The following ZBTB46 variants were observed in gnomAD, a reference collection of about 807,000 sequenced individuals.
The protein encoded by ZBTB46 is zinc finger and BTB domain-containing protein 46.
A neutral mutation model predicts 44.1 loss-of-function variants in ZBTB46; 8 were observed. That is an observed-to-expected ratio of 0.18 (90% confidence interval 0.11 to 0.33). The LOEUF is 0.33. Ranked by LOEUF, ZBTB46 falls within the 10% of genes least tolerant of loss-of-function variation. The pLI, the probability that ZBTB46 is intolerant of heterozygous loss-of-function variation, is 1.00. For synonymous variants in ZBTB46, 409 were observed against 382.3 expected, an observed-to-expected ratio of 1.07 and a Z score of -0.81; for missense variants, 651 against 847.7, an observed-to-expected ratio of 0.77 and a Z score of 2.88.
chr20:63,783,156 G>A (rs564281936), intron 2 of ZBTB46, among the ~76,000 whole-genome samples: 4 of 152,190 alleles, frequency 2.6e-5, no homozygotes, highest in Non-Finnish European at 5.9e-5. Flanking sequence ...ACAGCTGGGC[G>A]TGGTGGTTCA....
Position 63,790,233 on chromosome 20 carries a change from C to T in ZBTB46, c.525G>A (p.Thr175=), listed in dbSNP as rs201325875. 9.3e-6 allele frequency: 15 copies of T among 1,610,980 alleles called. No homozygotes were observed. Among genetic ancestry groups the T allele is most frequent in the South Asian group, 5.5e-5 (5 of 90,774 alleles). The change falls in exon 2 of 5, where the codon ACG becomes ACA. Residue 175 remains threonine (T), a synonymous_variant. Coordinates refer to ENST00000245663, the MANE Select transcript of ZBTB46 (RefSeq NM_001369741.1). The stretch of plus-strand genomic sequence containing the variant: ...AGTCTCCGGAAGAATTGGCAGGACT[C>T]GTTCGCCGTGCCAGCCACGGGGAGA... ...RSISPWLARR[T]SPANSSGDSA...
Position 63,803,056 on chromosome 20 carries a change from C to A in ZBTB46, c.-33-12266G>T, listed in dbSNP as rs890383573. Among the ~76,000 whole-genome samples, 8 of 152,172 alleles carry A rather than the reference C, an allele frequency of 5.3e-5. No individual in the cohort carries two copies. The highest frequency in any genetic ancestry group is 6.5e-5 in the Admixed American group (1 of 15,276). On this transcript the variant is annotated intron_variant, in intron 1 of 4. Coordinates refer to ENST00000245663, the MANE Select transcript of ZBTB46 (RefSeq NM_001369741.1). The surrounding 1 kb of genome is among the most constrained non-coding windows in gnomAD (Gnocchi z 4.0). ...CCACAGACGCCAACAGGAGGAAACA[C>A]GTTTCTGGGCAGCTCTGCCCACTCT...
At chr20:63,760,345 T>C (rs879691819) in intron 3 of ZBTB46, among the ~76,000 whole-genome samples, 2 of 152,246 alleles carry the variant, frequency 1.3e-5, no homozygotes, top group Non-Finnish European at 2.9e-5. Flanking sequence ...TTTGATAAAT[T>C]CTGTTTTCCA....
chr20:63,750,313 C>G (rs1019963058), intron 4 of ZBTB46, among the ~76,000 whole-genome samples: 1 of 152,156 alleles, frequency 6.6e-6, no homozygotes, highest in Admixed American at 6.5e-5. Context: ...GGTGCAATCA[C>G]AGCTCACTGC....
Position 63,790,479 on chromosome 20 carries a change from C to A in ZBTB46, c.279G>T (p.Ala93=). 2 of 1,613,502 alleles carry A rather than the reference C, an allele frequency of 1.2e-6. No individual in the cohort carries two copies. The highest frequency in any genetic ancestry group is 1.7e-6 in the Non-Finnish European group (2 of 1,179,990). ...CGTTCCTGCTGGTGAGCGCCAGGTGCGCTGAGTACATGAAGTCGATGATGG... is the reference window on the plus strand; with the variant it reads ...CGTTCCTGCTGGTGAGCGCCAGGTGAGCTGAGTACATGAAGTCGATGATGG... The part of the protein sequence containing the change: ...FKAIIDFMYS[A]HLALTSRNVI... Residue 93 remains alanine (A), a synonymous_variant, in exon 2 of 5, where the codon GCG becomes GCT. Transcript: ENST00000245663.
intron 1 of ZBTB46, among the ~76,000 whole-genome samples, chr20:63,807,004 G>T (rs374118777): frequency 6.6e-6 from 1 of 152,006 alleles, no homozygotes; most frequent in Non-Finnish European, 1.5e-5. Context: ...GGATAGTCGC[G>T]ATCTCCTGAC....
In ZBTB46 at chr20:63,789,895, T is replaced by A. The variant is rs1358135082; in HGVS notation, c.863A>T (p.Asp288Val). ...TVRHITQQVE[D>V]DSRASSPVPS... ...CACCGGGGAGCTGGCCCGGCTGTCA[T>A]CTTCCACCTGCTGTGTGATGTGCCG... The change falls in exon 2 of 5, where the codon GAT becomes GTT. Residue 288 changes from aspartate (D) to valine (V), a missense_variant. Physicochemically the swap from Asp to Val is radical, Grantham distance 152 (BLOSUM62 -3). Coordinates refer to ENST00000245663, the MANE Select transcript of ZBTB46 (RefSeq NM_001369741.1). 1.2e-6 allele frequency: 2 copies of A among 1,613,872 alleles called. No homozygotes were observed. The highest frequency in any genetic ancestry group is 2.7e-5 in the African/African-American group (2 of 74,950).
intron 1 of ZBTB46, among the ~76,000 whole-genome samples, chr20:63,817,828 G>C (rs113247612): frequency 1.3e-5 from 2 of 152,280 alleles, no homozygotes; most frequent in Admixed American, 6.5e-5. Flanking sequence ...TATAAGCCAA[G>C]AGGCACCAGG....
intron 3 of ZBTB46, among the ~76,000 whole-genome samples, chr20:63,772,886 C>T (rs183297944): frequency 3.3e-5 from 5 of 152,296 alleles, no homozygotes; most frequent in African/African-American, 1.2e-4. Flanking sequence ...CACTCAAGGT[C>T]CCAGCCTCAG....
rs1009728410 is a variant in ZBTB46, at chr20:63,773,437, T to C, written c.1222+2241A>G. On this transcript the variant is annotated intron_variant, in intron 3 of 4. Coordinates refer to ENST00000245663, the MANE Select transcript of ZBTB46 (RefSeq NM_001369741.1). ...TGGGGTTTCCCCACGTTGCCCAGGC[T>C]CCCAAAGTCGTTCTTAATGACCAAG... Among the ~76,000 whole-genome samples the C allele has an allele frequency of 2.0e-5, 3 of 152,076 alleles. No individual in the cohort carries two copies. In the East Asian group the frequency reaches 5.8e-4, roughly 29 times the overall value.
At position 63,772,970 on chromosome 20, in the gene ZBTB46, G is replaced by A. The variant is rs574293710; in HGVS notation, c.1222+2708C>T. Among the ~76,000 whole-genome samples, 6 of 152,320 alleles carry A rather than the reference G, an allele frequency of 3.9e-5. No homozygotes were observed. In the East Asian group the frequency reaches 5.8e-4, roughly 15 times the overall value. ...GAGGGGCCCAGAACAGAAAAGCCCC[G>A]AGGAAGGGGAGAAACTGCCAGGGCC... is the stretch of plus-strand genomic sequence containing the variant. On this transcript the variant is annotated intron_variant, in intron 3 of 4. Coordinates refer to ENST00000245663, the MANE Select transcript of ZBTB46 (RefSeq NM_001369741.1).
rs887532497 is a variant in ZBTB46 at position 63,787,741 on chromosome 20, T to C, written c.937+2080A>G. On this transcript the variant is annotated intron_variant, in intron 2 of 4. Transcript: ENST00000245663. The surrounding 1 kb of genome is among the most constrained non-coding windows in gnomAD (Gnocchi z 4.6). ...ACGCGTGACTTTAATGCCAGTGAAA[T>C]GTACATTTGAAAATGGTTAAAATGG... The C allele has an allele frequency of 5.9e-4, 90 of 152,358 alleles. No homozygotes were observed. The highest frequency in any genetic ancestry group is 5.8e-3 in the Admixed American group (89 of 15,300). The allele number at this position is 152,358 out of a possible 1,614,324, so 9.4% of individuals were successfully genotyped here.
At chr20:63,831,833 C>T (rs1005461408), upstream of ZBTB46, among the ~76,000 whole-genome samples, 2 of 151,718 alleles carry the variant, frequency 1.3e-5, no homozygotes, top group African/African-American at 4.8e-5. Context: ...AACTTGGCGA[C>T]TCCCCCAGCC....
chr20:63,765,554 G>A (rs1392549873), intron 3 of ZBTB46, among the ~76,000 whole-genome samples: 3 of 152,198 alleles, frequency 2.0e-5, no homozygotes, highest in Admixed American at 6.5e-5. Flanking sequence ...TCGGCCTGCC[G>A]AGTACCTGGG....
intron 3 of ZBTB46, among the ~76,000 whole-genome samples, chr20:63,771,703 G>A (rs2092375772): frequency 6.6e-6 from 1 of 152,206 alleles, no homozygotes; most frequent in South Asian, 2.1e-4. Context: ...TTACTCCCGC[G>A]CGGATTCCAC....
chr20:63,815,216 G>GT (rs1205833244), intron 1 of ZBTB46: 1 of 239,714 alleles, frequency 4.2e-6, no homozygotes. Context: ...GTGGGCACGA[G>GT]TGCAAGTGCA....
At chr20:63,769,461 C>T (rs2092348573) in intron 3 of ZBTB46, 1 of 984,152 alleles carries the variant, frequency 1.0e-6, no homozygotes, top group South Asian at 4.7e-5. Context: ...TCCAGAAGCA[C>T]TGACGATCTT....
intron 2 of ZBTB46, among the ~76,000 whole-genome samples, chr20:63,783,283 G>C (rs1266890473): frequency 6.6e-6 from 1 of 152,246 alleles, no homozygotes; most frequent in East Asian, 1.9e-4. Context: ...CAAAATATCA[G>C]CTGGGCGTGG....
chr20:63,787,606 C>T lies in ZBTB46; in HGVS notation c.937+2215G>A, dbSNP rs1392978577. ...CTAACACTGGCAGGTTTGTGCTGGG[C>T]CTATAACCGGCTGCACTTTCTAGTT... is the stretch of plus-strand genomic sequence containing the variant. On this transcript the variant is annotated intron_variant, in intron 2 of 4. Transcript: ENST00000245663. This position sits in a 1 kb window ranked among gnomAD's most constrained non-coding sequence, Gnocchi z 4.6. The T allele has an allele frequency of 8.5e-5, 13 of 152,356 alleles. No individual in the cohort carries two copies. The highest frequency in any genetic ancestry group is 1.5e-5 in the Non-Finnish European group (1 of 68,038). The allele number at this position is 152,356 out of a possible 1,614,324, so 9.4% of individuals were successfully genotyped here. A position where few individuals can be genotyped will look rare whatever the true frequency, so the allele number is the denominator to read the frequency against.
Sources: allele counts gnomAD v4.1 joint callset (sites outside exome capture counted in the v4.1 genomes callset), GRCh38; gene constraint gnomAD v4.1.1; non-coding constraint Gnocchi (gnomAD v3.1); transcripts MANE v1.5; gene names NCBI Gene and HGNC (gene_info 2026-07-23, HGNC 2026-07-21).